ZNF532: variants seen among roughly 807,000 people sequenced by gnomAD.
ZNF532 encodes zinc finger protein 532.
Under a neutral mutation model 89.3 loss-of-function variants are expected in ZNF532, and 22 were observed. The observed-to-expected ratio is 0.25, with a 90% CI of 0.18 to 0.35. ZNF532 has a LOEUF of 0.35. ZNF532 is among the 10% of genes least tolerant of loss of function. The probability of loss-of-function intolerance (pLI) is 1.00; values close to 1 mark genes in which losing one functional copy is unlikely to be tolerated. For synonymous variants in ZNF532, 606 were observed against 649.6 expected, an observed-to-expected ratio of 0.93 and a Z score of 1.02; for missense variants, 1,132 against 1,643.4, an observed-to-expected ratio of 0.69 and a Z score of 5.38.
chr18:58,874,710 T>C (rs1217459477), intron 2 of ZNF532, among the ~76,000 whole-genome samples: 1 of 152,244 alleles, frequency 6.6e-6, no homozygotes, highest in East Asian at 1.9e-4. Flanking sequence ...ACTGAGTGGC[T>C]GTACTTTAGG....
chr18:58,942,228 T>C (rs1490755048), intron 5 of ZNF532, among the ~76,000 whole-genome samples: 3 of 151,296 alleles, frequency 2.0e-5, no homozygotes, highest in Non-Finnish European at 4.4e-5. Context: ...TTCACCGTGT[T>C]AGCCAGGATG....
chr18:58,885,784 G>T (rs1185670016), intron 2 of ZNF532, among the ~76,000 whole-genome samples: 2 of 151,606 alleles, frequency 1.3e-5, no homozygotes, highest in South Asian at 4.2e-4. Context: ...AACCCGGGAG[G>T]CGGAGGTTGC....
At chr18:58,897,557 G>A (rs1317618709) in intron 2 of ZNF532, among the ~76,000 whole-genome samples, 1 of 152,214 alleles carries the variant, frequency 6.6e-6, no homozygotes, top group African/African-American at 2.4e-5. Context: ...TATCATGACA[G>A]ATTGGCATTA....
At chr18:58,908,411 T>C (rs2060073868) in intron 2 of ZNF532, among the ~76,000 whole-genome samples, 1 of 152,098 alleles carries the variant, frequency 6.6e-6, no homozygotes, top group Non-Finnish European at 1.5e-5. Context: ...ATGACGAGAG[T>C]GTAGATCGGT....
intron 2 of ZNF532, among the ~76,000 whole-genome samples, chr18:58,898,151 A>G (rs1248787223): frequency 6.6e-6 from 1 of 152,166 alleles, no homozygotes; most frequent in African/African-American, 2.4e-5. Context: ...TTACATTGCT[A>G]AACTTGGACT....
At position 58,976,918 on chromosome 18, in the gene ZNF532, AAAAT is replaced by A. The variant is rs1172582731; in HGVS notation, c.3151-2129_3151-2126del. ...CTGTTGTTCATGACTTTAAAGCTTT[AAAAT>A]AAATAAAGGCTCGTTACCTCTTAGT... is the stretch of plus-strand genomic sequence containing the variant. On this transcript the variant is annotated intron_variant, in intron 7 of 9. Coordinates refer to ENST00000591808, the MANE Select transcript of ZNF532 (RefSeq NM_001375912.1). Among the ~76,000 whole-genome samples, 8 of 152,228 alleles carry A rather than the reference AAAAT, an allele frequency of 5.3e-5. No individual in the cohort carries two copies. In the East Asian group the frequency reaches 7.7e-4, roughly 15 times the overall value.
chr18:58,892,694 C>T (rs1434088339), intron 2 of ZNF532, among the ~76,000 whole-genome samples: 1 of 152,232 alleles, frequency 6.6e-6, no homozygotes, highest in South Asian at 2.1e-4. Context: ...CAAGTTTGAG[C>T]AATTGTGATG....
intron 5 of ZNF532, among the ~76,000 whole-genome samples, chr18:58,944,385 G>C (rs773991783): frequency 1.3e-5 from 2 of 150,712 alleles, no homozygotes; most frequent in African/African-American, 2.4e-5. Context: ...TCTCCTTCCC[G>C]TACTGGCTTT....
intron 2 of ZNF532, among the ~76,000 whole-genome samples, chr18:58,868,962 G>A (rs1568201056): frequency 6.6e-6 from 1 of 152,200 alleles, no homozygotes; most frequent in Non-Finnish European, 1.5e-5. Context: ...CTCCTAGGTT[G>A]TAAACCTATA....
chr18:58,933,963 CA>C (rs2062163939), intron 3 of ZNF532, among the ~76,000 whole-genome samples: 1 of 152,140 alleles, frequency 6.6e-6, no homozygotes, highest in East Asian at 1.9e-4. Flanking sequence ...TCCTGTATTT[CA>C]GATTTCAAAT....
At chr18:58,901,098 T>TGTC (rs2145647388) in intron 2 of ZNF532, among the ~76,000 whole-genome samples, 2 of 152,364 alleles carry the variant, frequency 1.3e-5, no homozygotes, top group South Asian at 4.1e-4. Flanking sequence ...CTTCATAGTA[T>TGTC]TGACCCATGG....
chr18:58,927,930 C>G (rs1008341579), intron 3 of ZNF532, among the ~76,000 whole-genome samples: 2 of 152,114 alleles, frequency 1.3e-5, no homozygotes, highest in Non-Finnish European at 2.9e-5. Context: ...TTCTTAGCCC[C>G]GTCTTTAAAA....
At chr18:58,895,243 C>G (rs2059168531) in intron 2 of ZNF532, among the ~76,000 whole-genome samples, 1 of 152,228 alleles carries the variant, frequency 6.6e-6, no homozygotes, top group African/African-American at 2.4e-5. Context: ...CTTGCAGCCT[C>G]TGTCTCACGT....
At chr18:58,876,263 A>G (rs1187681849) in intron 2 of ZNF532, among the ~76,000 whole-genome samples, 1 of 152,120 alleles carries the variant, frequency 6.6e-6, no homozygotes, top group Admixed American at 6.6e-5. Flanking sequence ...AAATACAGAT[A>G]ATGATTCTGT....
At chr18:58,863,114 G>A (rs1407200894), upstream of ZNF532, 2 of 152,320 alleles carry the variant, frequency 1.3e-5, no homozygotes, top group East Asian at 3.9e-4. Context: ...CCTGGGTAGA[G>A]GCTCACGGTC....
At chr18:58,965,561 T>A (rs2065838401) in intron 7 of ZNF532, among the ~76,000 whole-genome samples, 2 of 152,266 alleles carry the variant, frequency 1.3e-5, no homozygotes, top group South Asian at 4.1e-4. Flanking sequence ...TTACTTCTGC[T>A]TTTGATGTAG....
intron 2 of ZNF532, among the ~76,000 whole-genome samples, chr18:58,888,912 T>TATTTTATATATATATATATATATATAA (rs1194564362): frequency 1.1e-5 from 1 of 92,738 alleles, no homozygotes; most frequent in Non-Finnish European, 2.0e-5. Context: ...TATATATATA[T>TATTTTATATATATATATATATATATAA]AATTCATACA....
intron 6 of ZNF532, among the ~76,000 whole-genome samples, chr18:58,949,055 G>T (rs562334019): frequency 6.6e-6 from 1 of 150,586 alleles, no homozygotes; most frequent in East Asian, 1.9e-4. Context: ...TGTAAAGATT[G>T]CATTGTAAAT....
chr18:58,873,688 A>G (rs2057184066), intron 2 of ZNF532, among the ~76,000 whole-genome samples: 1 of 151,768 alleles, frequency 6.6e-6, no homozygotes, highest in African/African-American at 2.4e-5. Flanking sequence ...TGATCCACCC[A>G]CCTCGGCCTC....
Sources: allele counts gnomAD v4.1 joint callset (sites outside exome capture counted in the v4.1 genomes callset), GRCh38; gene constraint gnomAD v4.1.1; transcripts MANE v1.5; gene names NCBI Gene and HGNC (gene_info 2026-07-23, HGNC 2026-07-21).